NOVA1: variants seen among roughly 807,000 people sequenced by gnomAD.
NOVA1 encodes the protein RNA-binding protein Nova-1.
Under a neutral mutation model 38.0 loss-of-function variants are expected in NOVA1, and 7 were observed. That is an observed-to-expected ratio of 0.18 (90% CI 0.10 to 0.35). The LOEUF is 0.35. Among genes scored for constraint, NOVA1 ranks in the 10% least tolerant of loss-of-function variants. NOVA1 has a pLI of 1.00. For synonymous variants in NOVA1, 270 were observed against 232.5 expected, an observed-to-expected ratio of 1.16 and a Z score of -1.47; for missense variants, 460 against 616.0, an observed-to-expected ratio of 0.75 and a Z score of 2.68.
intron 3 of NOVA1, among the ~76,000 whole-genome samples, chr14:26,477,469 G>T (rs1885076563): frequency 6.6e-6 from 1 of 151,960 alleles, no homozygotes; most frequent in Non-Finnish European, 1.5e-5. Context: ...CTATATGAAA[G>T]ACCTGAGAGA....
At position 26,467,451 on chromosome 14, in the gene NOVA1, T is replaced by C. The variant is rs184744451; in HGVS notation, c.519+4869A>G. Among the ~76,000 whole-genome samples, 2 of 152,076 alleles carry C rather than the reference T, an allele frequency of 1.3e-5. 1 individual carries two copies. The highest frequency in any genetic ancestry group is 1.3e-4 in the Admixed American group (2 of 15,272). ...GAATGGGAATACAGACACTGGGAAA[T>C]AGAGAGTAGAGATAATACTTTGTAA... On this transcript the variant is annotated intron_variant, in intron 4 of 4. Transcript: ENST00000539517.
At chr14:26,511,323 G>GA (rs1888066936) in intron 2 of NOVA1, among the ~76,000 whole-genome samples, 1 of 151,968 alleles carries the variant, frequency 6.6e-6, no homozygotes, top group South Asian at 2.1e-4. Flanking sequence ...CTAACATAGA[G>GA]AAAAAATACC....
intron 2 of NOVA1, among the ~76,000 whole-genome samples, chr14:26,574,023 CTTTT>C (rs780944723): frequency 8.3e-6 from 1 of 121,076 alleles, no homozygotes; most frequent in Admixed American, 8.8e-5. Context: ...AAAGATTACA[CTTTT>C]TTTTTTTTTT....
intron 2 of NOVA1, among the ~76,000 whole-genome samples, chr14:26,514,026 A>C (rs1428874809): frequency 6.6e-6 from 1 of 151,796 alleles, no homozygotes; most frequent in African/African-American, 2.4e-5. Context: ...AAGAGAATTA[A>C]ATGTTAAAAG....
rs185807934 is a variant in NOVA1, at chr14:26,469,929, G to A, written c.519+2391C>T. 1.9e-3 allele frequency among the ~76,000 whole-genome samples: 293 copies of A among 152,180 alleles called. 1 individual carries two copies. The highest frequency in any genetic ancestry group is 3.6e-3 in the Non-Finnish European group (242 of 68,006). On this transcript the variant is annotated intron_variant, in intron 4 of 4. Transcript: ENST00000539517. ...ATAAGGCTTCTCATATAGTCTTTCA[G>A]TTTTAAGAAGGAAATTATTATAGGA...
Position 26,452,424 on chromosome 14 carries a change from G to C in NOVA1, c.520-3461C>G, listed in dbSNP as rs992323095. Among the ~76,000 whole-genome samples the C allele has an allele frequency of 5.3e-5, 8 of 152,248 alleles. No homozygotes were observed. In the South Asian group the frequency reaches 1.2e-3, roughly 24 times the overall value. ...GGAAGCTTTGAGATGGTGGACAACT[G>C]AATACTGGTGGGAAAAAACAGAGGA... On this transcript the variant is annotated intron_variant, in intron 4 of 4. Transcript: ENST00000539517.
intron 4 of NOVA1, chr14:26,472,061 T>C: frequency 4.4e-6 from 2 of 459,032 alleles, no homozygotes; most frequent in Non-Finnish European, 7.7e-6. Flanking sequence ...AGTGCTCCAT[T>C]AGGTAGTCAA....
In NOVA1 at chr14:26,509,360, T is replaced by C. The variant is rs952316772; in HGVS notation, c.281-29217A>G. Among the ~76,000 whole-genome samples, 4 of 152,090 alleles carry C rather than the reference T, an allele frequency of 2.6e-5. No individual in the cohort carries two copies. In the South Asian group the frequency reaches 8.3e-4, roughly 32 times the overall value. On this transcript the variant is annotated intron_variant, in intron 2 of 4. Coordinates refer to ENST00000539517, the MANE Select transcript of NOVA1 (RefSeq NM_002515.3). ...TATTGAATATCCTAAGTAAGACTCA[T>C]TGAAAATGAGAGTAGTGGTAGTGGG...
intron 2 of NOVA1, among the ~76,000 whole-genome samples, chr14:26,506,584 TTC>T (rs1176883363): frequency 1.3e-5 from 2 of 152,154 alleles, no homozygotes; most frequent in Non-Finnish European, 2.9e-5. Flanking sequence ...CCAACAACTG[TTC>T]TTTTTTTTTG....
chr14:26,547,925 T>C (rs1486740458), intron 2 of NOVA1, among the ~76,000 whole-genome samples: 5 of 152,110 alleles, frequency 3.3e-5, no homozygotes, highest in Non-Finnish European at 7.4e-5. Context: ...CATTACAATA[T>C]GAGTTTTTGG....
intron 4 of NOVA1, among the ~76,000 whole-genome samples, chr14:26,458,900 A>G (rs867887486): frequency 2.8e-4 from 43 of 152,134 alleles, no homozygotes; most frequent in African/African-American, 9.7e-4. Flanking sequence ...GTTTTAAGCT[A>G]AGTGTTTAGA....
chr14:26,456,949 A>G (rs546214883), intron 4 of NOVA1, among the ~76,000 whole-genome samples: 1 of 149,156 alleles, frequency 6.7e-6, no homozygotes, highest in Non-Finnish European at 1.5e-5. Context: ...ATATATACAC[A>G]CACACACAAA....
At chr14:26,539,349 A>G (rs1421536851) in intron 2 of NOVA1, among the ~76,000 whole-genome samples, 2 of 152,212 alleles carry the variant, frequency 1.3e-5, no homozygotes, top group Non-Finnish European at 2.9e-5. Context: ...TATAATATGA[A>G]AGCAACACAC....
chr14:26,567,437 A>G (rs1892202656), intron 2 of NOVA1, among the ~76,000 whole-genome samples: 1 of 151,694 alleles, frequency 6.6e-6, no homozygotes, highest in Non-Finnish European at 1.5e-5. Flanking sequence ...CTGGGACTAC[A>G]GGCACGCGTG....
chr14:26,558,803 C>A (rs755637479), intron 2 of NOVA1, among the ~76,000 whole-genome samples: 1 of 151,864 alleles, frequency 6.6e-6, no homozygotes, highest in African/African-American at 2.4e-5. Context: ...AATATTGATA[C>A]ATAAGGTTAT....
intron 2 of NOVA1, among the ~76,000 whole-genome samples, chr14:26,575,188 G>A (rs1452746577): frequency 6.6e-6 from 1 of 152,018 alleles, no homozygotes; most frequent in African/African-American, 2.4e-5. Context: ...CTGACTAAAC[G>A]TCCATTCATA....
intron 3 of NOVA1, among the ~76,000 whole-genome samples, chr14:26,475,746 G>T (rs1001578724): frequency 6.6e-6 from 1 of 152,042 alleles, no homozygotes; most frequent in East Asian, 1.9e-4. Context: ...AAAAAATCAA[G>T]AATTTAACAG....
In NOVA1 at chr14:26,470,591, AAAATTTAGATTTGGC is replaced by A. The variant is rs1170411078; in HGVS notation, c.519+1714_519+1728del. ...AAATGACTTATTATTTCAAAATAGC[AAAATTTAGATTTGGC>A]AAGGGTAAATGTAGCACTTTATCTA... On this transcript the variant is annotated intron_variant, in intron 4 of 4. Transcript: ENST00000539517. 4.7e-6 allele frequency: 4 copies of A among 845,758 alleles called. 1 individual carries two copies. The highest frequency in any genetic ancestry group is 1.7e-5 in the African/African-American group (1 of 59,228). 52.4% of individuals were successfully genotyped at this position (845,758 alleles called of 1,614,324 possible). A position where few individuals can be genotyped will look rare whatever the true frequency, so the allele number is the denominator to read the frequency against.
At chr14:26,462,035 A>G (rs1005663013) in intron 4 of NOVA1, among the ~76,000 whole-genome samples, 2 of 152,206 alleles carry the variant, frequency 1.3e-5, no homozygotes, top group African/African-American at 4.8e-5. Context: ...ATAATAGTCA[A>G]AAGTATTAAG....
Sources: allele counts gnomAD v4.1 joint callset (sites outside exome capture counted in the v4.1 genomes callset), GRCh38; gene constraint gnomAD v4.1.1; transcripts MANE v1.5; gene names NCBI Gene and HGNC (gene_info 2026-07-23, HGNC 2026-07-21).